The following GPC5 variants were observed in gnomAD, a reference collection of about 807,000 sequenced individuals.
GPC5 encodes the protein glypican-5.
In GPC5, 47 loss-of-function variants were observed where a neutral mutation model predicts 53.9. The ratio of observed to expected loss-of-function variants is 0.87; its 90% CI spans 0.69 to 1.11. GPC5 has a LOEUF of 1.11. Among genes scored for constraint, GPC5 ranks in the 50% most tolerant of loss-of-function variants. GPC5 has a pLI of 0.00. For missense variants in GPC5, 748 were observed against 713.1 expected, an observed-to-expected ratio of 1.05 and a Z score of -0.56; for synonymous variants, 286 against 263.3, an observed-to-expected ratio of 1.09 and a Z score of -0.84.
Position 92,286,869 on chromosome 13 carries a change from G to A in GPC5, c.1561+141880G>A, listed in dbSNP as rs1341198124. Among the ~76,000 whole-genome samples the A allele has an allele frequency of 1.8e-4, 27 of 151,824 alleles. 2 individuals carry two copies. Among genetic ancestry groups the A allele is most frequent in the Admixed American group, 1.8e-3 (27 of 15,226 alleles). ...CTGCACATTGTGCACATGTACCCTA[G>A]AACTTAAAATACAATTAAAATATCA... On this transcript the variant is annotated intron_variant, in intron 7 of 7. Transcript: ENST00000377067.
At position 91,565,638 on chromosome 13, in the gene GPC5, G is replaced by A. The variant is rs142119212; in HGVS notation, c.325+116716G>A. Among the ~76,000 whole-genome samples the A allele has an allele frequency of 2.4e-3, 366 of 152,294 alleles. 2 individuals carry two copies. Among genetic ancestry groups the A allele is most frequent in the African/African-American group, 8.4e-3 (348 of 41,562 alleles). On this transcript the variant is annotated intron_variant, in intron 2 of 7. Coordinates refer to ENST00000377067, the MANE Select transcript of GPC5 (RefSeq NM_004466.6). ...ACAGCCATGGTTGTTTGTCCTAGGC[G>A]TTGCGCCTGGCACACTAATGCTGAA... is the stretch of plus-strand genomic sequence containing the variant.
At chr13:92,611,479 C>T (rs191592631) in intron 7 of GPC5, among the ~76,000 whole-genome samples, 1 of 152,058 alleles carries the variant, frequency 6.6e-6, no homozygotes, top group African/African-American at 2.4e-5. Flanking sequence ...ATTTAAATTC[C>T]AGTAACATAA....
chr13:91,920,094 A>T (rs1338167303), intron 6 of GPC5, among the ~76,000 whole-genome samples: 1 of 152,146 alleles, frequency 6.6e-6, no homozygotes, highest in Non-Finnish European at 1.5e-5. Context: ...ACATTAAAGG[A>T]CAATATGAAA....
chr13:92,281,638 G>A (rs1275743166), intron 7 of GPC5, among the ~76,000 whole-genome samples: 2 of 152,198 alleles, frequency 1.3e-5, no homozygotes, highest in East Asian at 1.9e-4. Flanking sequence ...GGCAAACAGG[G>A]TCTGGAGTGG....
chr13:91,788,374 CA>C (rs2037910593), intron 5 of GPC5, among the ~76,000 whole-genome samples: 1 of 152,114 alleles, frequency 6.6e-6, no homozygotes. Flanking sequence ...CCTTTAAGTC[CA>C]TCAATTTGGG....
intron 2 of GPC5, among the ~76,000 whole-genome samples, chr13:91,681,828 T>C (rs190526978): frequency 6.6e-6 from 1 of 152,312 alleles, no homozygotes; most frequent in African/African-American, 2.4e-5. Flanking sequence ...ATAATATTAG[T>C]TAATTTTTGA....
chr13:92,705,593 A>AAATACATAATGTCATAAT (rs1363271991), intron 7 of GPC5, among the ~76,000 whole-genome samples: 7 of 152,184 alleles, frequency 4.6e-5, no homozygotes, highest in African/African-American at 1.7e-4. Flanking sequence ...TGGGTGAAAT[A>AAATACATAATGTCATAAT]AATACATAAT....
At chr13:91,689,230 T>TATATATAC (rs1232356030) in intron 2 of GPC5, among the ~76,000 whole-genome samples, 1 of 81,066 alleles carries the variant, frequency 1.2e-5, no homozygotes, top group African/African-American at 5.4e-5. Context: ...TATATATATA[T>TATATATAC]ACACATATAA....
Position 92,564,068 on chromosome 13 carries a change from A to C in GPC5, c.1562-302214A>C, listed in dbSNP as rs540357727. On this transcript the variant is annotated intron_variant, in intron 7 of 7. Transcript: ENST00000377067. The stretch of plus-strand genomic sequence containing the variant: ...TCAGATTTTTACTGTGCTATTGCCA[A>C]GTATATAGAGAGAAATAATTCAAGA... Among the ~76,000 whole-genome samples, 128 of 152,174 alleles carry C rather than the reference A, an allele frequency of 8.4e-4. 3 individuals carry two copies. The highest frequency in any genetic ancestry group is 2.8e-3 in the African/African-American group (118 of 41,560).
chr13:91,468,523 G>A (rs1403402336), intron 2 of GPC5, among the ~76,000 whole-genome samples: 3 of 152,258 alleles, frequency 2.0e-5, no homozygotes, highest in African/African-American at 7.2e-5. Flanking sequence ...TGAGGACAGA[G>A]GAATGCCATC....
In GPC5 at chr13:92,031,744, A is replaced by T. The variant is rs1372145943; in HGVS notation, c.1402-113086A>T. Among the ~76,000 whole-genome samples the T allele has an allele frequency of 8.5e-5, 7 of 82,546 alleles. 1 individual carries two copies. The highest frequency in any genetic ancestry group is 2.3e-4 in the African/African-American group (4 of 17,642). 54.2% of individuals were successfully genotyped at this position (82,546 alleles called of 152,430 possible). A position where few individuals can be genotyped will look rare whatever the true frequency, so the allele number is the denominator to read the frequency against. The stretch of plus-strand genomic sequence containing the variant: ...ATGTAATATATTACATATTATATAT[A>T]ATATATATTATATTACATATTATAT... On this transcript the variant is annotated intron_variant, in intron 6 of 7. Transcript: ENST00000377067.
chr13:91,503,187 T>C (rs1884741546), intron 2 of GPC5, among the ~76,000 whole-genome samples: 1 of 151,968 alleles, frequency 6.6e-6, no homozygotes, highest in Non-Finnish European at 1.5e-5. Flanking sequence ...GAGAAAGTAA[T>C]ATACAAGACA....
At chr13:91,745,867 A>G (rs994423268) in intron 4 of GPC5, among the ~76,000 whole-genome samples, 6 of 152,172 alleles carry the variant, frequency 3.9e-5, no homozygotes, top group Non-Finnish European at 8.8e-5. Context: ...ATGGGCCAAG[A>G]AACGAGACTT....
intron 7 of GPC5, among the ~76,000 whole-genome samples, chr13:92,221,143 G>T (rs1307018518): frequency 6.6e-6 from 1 of 152,150 alleles, no homozygotes; most frequent in Non-Finnish European, 1.5e-5. Context: ...CAGAGGACTT[G>T]CTAGTTAATA....
intron 6 of GPC5, among the ~76,000 whole-genome samples, chr13:92,123,834 A>G (rs1205133836): frequency 6.6e-6 from 1 of 152,214 alleles, no homozygotes; most frequent in Non-Finnish European, 1.5e-5. Flanking sequence ...AGCATACATT[A>G]CCAAATATAT....
intron 7 of GPC5, among the ~76,000 whole-genome samples, chr13:92,165,897 C>G (rs2042024076): frequency 6.6e-6 from 1 of 152,086 alleles, no homozygotes; most frequent in African/African-American, 2.4e-5. Flanking sequence ...ATTCTTTGCC[C>G]TGGGTTACAT....
chr13:92,816,987 C>G (rs1277124632), intron 7 of GPC5, among the ~76,000 whole-genome samples: 1 of 151,934 alleles, frequency 6.6e-6, no homozygotes, highest in Non-Finnish European at 1.5e-5. Context: ...GTTGCCCACT[C>G]CCGGTCTAGA....
intron 2 of GPC5, among the ~76,000 whole-genome samples, chr13:91,520,469 G>A (rs1465946488): frequency 6.6e-6 from 1 of 152,078 alleles, no homozygotes; most frequent in Non-Finnish European, 1.5e-5. Context: ...TCACTTGCAG[G>A]CCTTAAGAGA....
intron 4 of GPC5, among the ~76,000 whole-genome samples, chr13:91,746,948 A>G (rs1179477721): frequency 2.0e-5 from 3 of 152,044 alleles, no homozygotes; most frequent in Non-Finnish European, 4.4e-5. Flanking sequence ...ATCCTTCTCT[A>G]TCTTTCTATG....
Sources: allele counts gnomAD v4.1 joint callset (sites outside exome capture counted in the v4.1 genomes callset), GRCh38; gene constraint gnomAD v4.1.1; transcripts MANE v1.5; gene names NCBI Gene and HGNC (gene_info 2026-07-23, HGNC 2026-07-21).